CLASP1: variants seen among roughly 807,000 people sequenced by gnomAD.
CLASP1 encodes CLIP-associating protein 1.
A neutral mutation model predicts 192.3 loss-of-function variants in CLASP1; 38 were observed. The observed-to-expected ratio is 0.20, with a 90% CI of 0.15 to 0.26. The LOEUF is 0.26. Ranked by LOEUF, CLASP1 falls within the 10% of genes least tolerant of loss-of-function variation. The probability of loss-of-function intolerance (pLI) is 1.00; values close to 1 mark genes in which losing one functional copy is unlikely to be tolerated. For missense variants in CLASP1, 1,433 were observed against 1,932.5 expected (o/e 0.74, Z 4.85); for synonymous variants, 691 against 712.8 (o/e 0.97, Z 0.49).
chr2:121,458,985 GA>G lies in CLASP1; in HGVS notation c.1179-11del. The G allele has an allele frequency of 6.3e-7, 1 of 1,595,240 alleles. No homozygotes were observed. The highest frequency in any genetic ancestry group is 1.8e-5 in the Admixed American group (1 of 56,562). On this transcript the variant is annotated splice_polypyrimidine_tract_variant and intron_variant, in intron 12 of 39. Transcript: ENST00000263710. ...AACTGATGACAGATGCCTAAAACAAGAAAAGGATACTGGACTATAGTTATTT... is the reference window on the plus strand; with the variant it reads ...AACTGATGACAGATGCCTAAAACAAGAAAGGATACTGGACTATAGTTATTT...
chr2:121,526,280 T>G (rs998690630), intron 5 of CLASP1, among the ~76,000 whole-genome samples: 3 of 152,214 alleles, frequency 2.0e-5, no homozygotes, highest in Non-Finnish European at 2.9e-5. Flanking sequence ...TACGAGTCAC[T>G]TGAGGGACCT....
At chr2:121,407,823 A>G (rs1559072564) in intron 24 of CLASP1, 108 bp from the exon 26 acceptor site, 3 of 1,153,756 alleles carry the variant, frequency 2.6e-6, no homozygotes, top group Non-Finnish European at 3.9e-6. Context: ...GTGTAAAAAG[A>G]CACATGCACA....
At chr2:121,381,911 T>C in intron 33 of CLASP1, among the ~76,000 whole-genome samples, 1 of 152,160 alleles carries the variant, frequency 6.6e-6, no homozygotes, top group East Asian at 1.9e-4. Flanking sequence ...TCCTGAGGTC[T>C]TTCTGGGGGC....
Position 121,555,988 on chromosome 2 carries a change from C to CTTTTTT in CLASP1, c.196-25669_196-25664dup, listed in dbSNP as rs34423741. Among the ~76,000 whole-genome samples the CTTTTTT allele has an allele frequency of 6.2e-3, 263 of 42,388 alleles. 56 individuals are homozygous for CTTTTTT. Among genetic ancestry groups the CTTTTTT allele is most frequent in the African/African-American group, 0.025 (225 of 9,082 alleles). The allele number at this position is 42,388 out of a possible 152,430, so 27.8% of individuals were successfully genotyped here. On this transcript the variant is annotated intron_variant, in intron 2 of 39. Transcript: ENST00000263710. Reference sequence around the variant, plus strand: ...CACGGCGCCTGCCCCCTACCCACCGCTTTTTTTTTTTTTTTTTTTTTTTTT... The same window carrying CTTTTTT: ...CACGGCGCCTGCCCCCTACCCACCGCTTTTTTTTTTTTTTTTTTTTTTTTTTTTTTT...
rs1421327279 is a variant in CLASP1 at position 121,647,869 on chromosome 2, G to A, written c.-286+1503C>T. ...CCTGGGAGAATTAAAAGCTATGGCT[G>A]AAAACTCCTTCATAAAAACTAAAAC... On this transcript the variant is annotated intron_variant, in intron 1 of 39. Coordinates refer to ENST00000263710, the Ensembl canonical transcript of CLASP1. 2.0e-5 allele frequency among the ~76,000 whole-genome samples: 3 copies of A among 152,170 alleles called. No individual in the cohort carries two copies. The East Asian group carries it at 5.8e-4, about 29-fold the overall frequency.
intron 1 of CLASP1, among the ~76,000 whole-genome samples, chr2:121,635,815 T>C (rs991723428): frequency 6.6e-6 from 1 of 152,210 alleles, no homozygotes; most frequent in African/African-American, 2.4e-5. Context: ...TTGTCAAAAA[T>C]GAAAAGGCAA....
intron 6 of CLASP1, among the ~76,000 whole-genome samples, chr2:121,518,713 C>T (rs1229372789): frequency 7.0e-6 from 1 of 143,640 alleles, no homozygotes; most frequent in Non-Finnish European, 1.5e-5. Context: ...ACTAAAAATA[C>T]AAAAAAAAAA....
chr2:121,552,644 T>C (rs2058145234), intron 2 of CLASP1, among the ~76,000 whole-genome samples: 1 of 152,174 alleles, frequency 6.6e-6, no homozygotes, highest in Admixed American at 6.5e-5. Flanking sequence ...CACAATGAGA[T>C]ACCATCTCAC....
intron 2 of CLASP1, among the ~76,000 whole-genome samples, chr2:121,565,999 A>C (rs1000690723): frequency 5.9e-5 from 9 of 152,208 alleles, no homozygotes; most frequent in African/African-American, 1.7e-4. Flanking sequence ...GGCCAGAAAC[A>C]AGCACACAGC....
chr2:121,558,998 G>A (rs903488368), intron 2 of CLASP1, among the ~76,000 whole-genome samples: 8 of 152,166 alleles, frequency 5.3e-5, no homozygotes, highest in Non-Finnish European at 1.2e-4. Context: ...AGCAGACCCC[G>A]GTTAACTGCA....
chr2:121,649,187 C>G (rs886156126), intron 1 of CLASP1, among the ~76,000 whole-genome samples, 185 bp downstream of exon 1: 1 of 152,144 alleles, frequency 6.6e-6, no homozygotes, highest in African/African-American at 2.4e-5. Context: ...ATAAACAACC[C>G]TCGCATCCCG....
intron 1 of CLASP1, among the ~76,000 whole-genome samples, chr2:121,615,732 C>T (rs1268097004): frequency 6.6e-6 from 1 of 151,920 alleles, no homozygotes; most frequent in Non-Finnish European, 1.5e-5. Flanking sequence ...TGCAGTGAGC[C>T]AAGATCGTGC....
chr2:121,355,368 A>T (rs903275270), intron 37 of CLASP1, among the ~76,000 whole-genome samples: 6 of 152,260 alleles, frequency 3.9e-5, no homozygotes, highest in South Asian at 2.1e-4. Flanking sequence ...ACCTCAAGTG[A>T]TCTGCCCACC....
intron 2 of CLASP1, among the ~76,000 whole-genome samples, chr2:121,598,877 AT>A (rs2063447123): frequency 1.3e-5 from 2 of 152,114 alleles, no homozygotes; most frequent in Admixed American, 6.5e-5. Context: ...TTATTTATTT[AT>A]TTTTTGAGAC....
intron 8 of CLASP1, among the ~76,000 whole-genome samples, chr2:121,473,003 GAC>G (rs1325380585): frequency 6.6e-6 from 1 of 151,988 alleles, no homozygotes; most frequent in Non-Finnish European, 1.5e-5. Flanking sequence ...AATATAACAA[GAC>G]ACAGACACTC....
At chr2:121,353,311 G>A (rs1288423476) in intron 37 of CLASP1, among the ~76,000 whole-genome samples, 1 of 151,994 alleles carries the variant, frequency 6.6e-6, no homozygotes, top group East Asian at 1.9e-4. Context: ...AGAGCTTTGT[G>A]ACCCCGAGAC....
At chr2:121,586,813 A>G (rs2061762774) in intron 2 of CLASP1, among the ~76,000 whole-genome samples, 2 of 152,336 alleles carry the variant, frequency 1.3e-5, no homozygotes, top group South Asian at 4.1e-4. Context: ...CTTAGCCCCC[A>G]TGCAGTATGT....
intron 17 of CLASP1, 119 bp from the exon 18 acceptor site, chr2:121,448,444 G>T (rs2084790776): frequency 2.1e-6 from 2 of 960,938 alleles, no homozygotes; most frequent in South Asian, 1.5e-5. Flanking sequence ...GAATTTTTTG[G>T]GCAATGTGAA....
intron 1 of CLASP1, among the ~76,000 whole-genome samples, chr2:121,627,197 A>C (rs972914796): frequency 3.3e-5 from 5 of 152,232 alleles, no homozygotes; most frequent in Non-Finnish European, 7.3e-5. Flanking sequence ...AATATGCGTA[A>C]CCATTGGGGG....
Sources: gnomAD v4.1 joint callset for allele counts (sites outside exome capture counted in the v4.1 genomes callset) on GRCh38, gnomAD v4.1.1 for gene constraint, MANE v1.5 for transcripts, NCBI Gene and HGNC (gene_info 2026-07-23, HGNC 2026-07-21) for gene names.